Variants in CCDC170 observed in about 807,000 individuals in gnomAD.
CCDC170 encodes coiled-coil domain containing 170.
A neutral mutation model predicts 72.6 loss-of-function variants in CCDC170; 69 were observed. That is an observed-to-expected ratio of 0.95 (90% CI 0.78 to 1.16). The LOEUF (loss-of-function observed/expected upper bound fraction) is 1.16, where lower values mean the gene tolerates loss of function less well. CCDC170 is among the 50% of genes most tolerant of loss of function. The probability of loss-of-function intolerance (pLI) is 0.00; values close to 1 mark genes in which losing one functional copy is unlikely to be tolerated. For synonymous variants in CCDC170, 300 were observed against 303.9 expected, an observed-to-expected ratio of 0.99 and a Z score of 0.13; for missense variants, 852 against 832.5, an observed-to-expected ratio of 1.02 and a Z score of -0.29.
At chr6:151,600,004 G>T (rs9478226) in intron 9 of CCDC170, among the ~76,000 whole-genome samples, 60,934 of 152,082 alleles carry the variant, frequency 0.4, 17,344 homozygotes, top group African/African-American at 0.78. Context: ...GTATAGGAGA[G>T]ACTTGGTTTG....
At chr6:151,575,525 C>CTT (rs869185539) in intron 6 of CCDC170, among the ~76,000 whole-genome samples, 15,976 of 79,646 alleles carry the variant, frequency 0.2, 3,788 homozygotes, top group East Asian at 0.64. Context: ...TCTTTTCTTT[C>CTT]TTTTTTTTTT....
intron 5 of CCDC170, among the ~76,000 whole-genome samples, chr6:151,558,452 C>T (rs1267301336): frequency 2.6e-5 from 4 of 152,006 alleles, no homozygotes; most frequent in Non-Finnish European, 1.5e-5. Flanking sequence ...CTGTTGAGAT[C>T]TTAGCCCTAA....
chr6:151,579,840 A>G (rs574437921), intron 6 of CCDC170, among the ~76,000 whole-genome samples: 53 of 152,322 alleles, frequency 3.5e-4, no homozygotes, highest in Non-Finnish European at 5.9e-4. Flanking sequence ...TTGAACTTCA[A>G]TATGGTGTGA....
At chr6:151,550,748 A>G (rs1219480445) in intron 5 of CCDC170, among the ~76,000 whole-genome samples, 1 of 152,160 alleles carries the variant, frequency 6.6e-6, no homozygotes, top group Non-Finnish European at 1.5e-5. Context: ...CTGCATGTAG[A>G]TGGCTGCCTT....
In CCDC170 at chr6:151,497,335, C is replaced by T. The variant is rs1045395547; in HGVS notation, c.57+3150C>T. On this transcript the variant is annotated intron_variant, in intron 1 of 10. Transcript: ENST00000239374. Reference sequence around the variant, plus strand: ...AGTTGAGGCTGTTGTGAGCCTTGATCGCACTACTGCACCCCAGCCTGGGCA... The same window carrying T: ...AGTTGAGGCTGTTGTGAGCCTTGATTGCACTACTGCACCCCAGCCTGGGCA... Among the ~76,000 whole-genome samples, 5 of 151,908 alleles carry T rather than the reference C, an allele frequency of 3.3e-5. 1 individual carries two copies. Among genetic ancestry groups the T allele is most frequent in the Admixed American group, 2.6e-4 (4 of 15,278 alleles).
chr6:151,595,647 C>G (rs1302332617), intron 8 of CCDC170, among the ~76,000 whole-genome samples: 2 of 152,070 alleles, frequency 1.3e-5, no homozygotes, highest in Non-Finnish European at 2.9e-5. Flanking sequence ...GAAACCCTGT[C>G]TTTACAAAAA....
intron 9 of CCDC170, among the ~76,000 whole-genome samples, chr6:151,596,803 CA>C: frequency 6.6e-6 from 1 of 152,220 alleles, no homozygotes; most frequent in African/African-American, 2.4e-5. Context: ...GGTGAAAAGT[CA>C]GTCAAAAAGT....
At chr6:151,498,933 G>T (rs554951136) in intron 1 of CCDC170, among the ~76,000 whole-genome samples, 1 of 150,568 alleles carries the variant, frequency 6.6e-6, no homozygotes, top group African/African-American at 2.5e-5. Flanking sequence ...GACTCTTCTA[G>T]GCACACTGTA....
At chr6:151,495,723 T>G (rs1209414534) in intron 1 of CCDC170, among the ~76,000 whole-genome samples, 1 of 152,190 alleles carries the variant, frequency 6.6e-6, no homozygotes, top group East Asian at 1.9e-4. Flanking sequence ...CTCAAACTCC[T>G]GAGCTCAAGC....
At chr6:151,512,152 G>GTTTTTTTT (rs1247040921) in intron 1 of CCDC170, among the ~76,000 whole-genome samples, 3 of 138,456 alleles carry the variant, frequency 2.2e-5, no homozygotes, top group African/African-American at 8.6e-5. Flanking sequence ...GCAGTATACC[G>GTTTTTTTT]TTTTTTTTTG....
intron 1 of CCDC170, among the ~76,000 whole-genome samples, chr6:151,524,681 T>C (rs1402529932): frequency 6.6e-6 from 1 of 152,158 alleles, no homozygotes; most frequent in African/African-American, 2.4e-5. Flanking sequence ...GATCATCTTC[T>C]CCCATTGTTC....
At chr6:151,601,823 C>G (rs901224948) in intron 9 of CCDC170, among the ~76,000 whole-genome samples, 1 of 152,208 alleles carries the variant, frequency 6.6e-6, no homozygotes, top group Non-Finnish European at 1.5e-5. Flanking sequence ...GGAGGGCACT[C>G]TGCTTTATGC....
chr6:151,507,779 G>T (rs1583001802), intron 1 of CCDC170, among the ~76,000 whole-genome samples: 3 of 152,010 alleles, frequency 2.0e-5, no homozygotes, highest in African/African-American at 7.2e-5. Flanking sequence ...ACATTAGCTG[G>T]GTGTGGTGGC....
At chr6:151,519,841 C>T (rs1220543583) in intron 1 of CCDC170, among the ~76,000 whole-genome samples, 1 of 152,162 alleles carries the variant, frequency 6.6e-6, no homozygotes, top group Non-Finnish European at 1.5e-5. Flanking sequence ...GTAGGAGTGT[C>T]TTTTAGCATA....
chr6:151,552,317 T>G (rs1169255397), intron 5 of CCDC170, among the ~76,000 whole-genome samples: 2 of 152,174 alleles, frequency 1.3e-5, no homozygotes, highest in African/African-American at 4.8e-5. Context: ...AGGGTACATT[T>G]TTTTCTCTTC....
intron 6 of CCDC170, among the ~76,000 whole-genome samples, chr6:151,576,562 G>T (rs1029866298): frequency 3.3e-5 from 5 of 152,030 alleles, no homozygotes; most frequent in African/African-American, 1.2e-4. Flanking sequence ...GTTAAGCTGG[G>T]TATGCTTTCT....
intron 3 of CCDC170, among the ~76,000 whole-genome samples, chr6:151,540,245 G>T (rs185720019): frequency 1.3e-5 from 2 of 151,908 alleles, no homozygotes; most frequent in Non-Finnish European, 2.9e-5. Flanking sequence ...CCTCTTTCTG[G>T]TTTGTAGATG....
intron 5 of CCDC170, among the ~76,000 whole-genome samples, chr6:151,566,973 T>A (rs2115080755): frequency 6.6e-6 from 1 of 152,220 alleles, no homozygotes; most frequent in African/African-American, 2.4e-5. Flanking sequence ...CAGGCTGGAG[T>A]GCAATGGTGC....
At chr6:151,526,304 C>T (rs1782410068) in intron 1 of CCDC170, among the ~76,000 whole-genome samples, 1 of 151,598 alleles carries the variant, frequency 6.6e-6, no homozygotes, top group Non-Finnish European at 1.5e-5. Flanking sequence ...CTCACTGCAC[C>T]TCCACCTCCT....
Sources: gnomAD v4.1 joint callset for allele counts (sites outside exome capture counted in the v4.1 genomes callset) on GRCh38, gnomAD v4.1.1 for gene constraint, MANE v1.5 for transcripts, NCBI Gene and HGNC (gene_info 2026-07-23, HGNC 2026-07-21) for gene names.